The following TRIM34 variants were observed in gnomAD, a reference collection of about 807,000 sequenced individuals.
The protein encoded by TRIM34 is E3 ubiquitin-protein ligase TRIM34.
TRIM34 carries 41 observed loss-of-function variants against 38.1 expected under a neutral mutation model. The ratio of observed to expected loss-of-function variants is 1.08; its 90% CI spans 0.84 to 1.40. The LOEUF (loss-of-function observed/expected upper bound fraction) is 1.40, where lower values mean the gene tolerates loss of function less well. Among genes scored for constraint, TRIM34 ranks in the 40% most tolerant of loss-of-function variants. The pLI, the probability that TRIM34 is intolerant of heterozygous loss-of-function variation, is 0.00. For synonymous variants in TRIM34, 200 were observed against 202.5 expected (o/e 0.99, Z 0.10); for missense variants, 556 against 571.4 (o/e 0.97, Z 0.27).
At position 5,632,665 on chromosome 11, in the gene TRIM34, A is replaced by G. The variant is rs919310863; in HGVS notation, c.334A>G (p.Arg112Gly). ...EKLLLFCKED[R>G]KVICWLCERS... ...ACTCCTACTCTTCTGTAAGGAGGAT[A>G]GGAAAGTCATTTGCTGGCTTTGTGA... The change falls in exon 2 of 8, where the codon AGG becomes GGG. Residue 112 changes from arginine (R) to glycine (G), a missense_variant. Coordinates refer to ENST00000429814, the MANE Select transcript of TRIM34 (RefSeq NM_021616.6). 1.2e-6 allele frequency: 2 copies of G among 1,612,864 alleles called. No homozygotes were observed. Among genetic ancestry groups the G allele is most frequent in the African/African-American group, 2.7e-5 (2 of 74,576 alleles).
Position 5,643,127 on chromosome 11 carries a change from T to TATAGA in TRIM34, c.902-17_902-16insATAGA, listed in dbSNP as rs777273270. 23 of 521,814 alleles carry TATAGA rather than the reference T, an allele frequency of 4.4e-5. No homozygotes were observed. The highest frequency in any genetic ancestry group is 2.1e-4 in the African/African-American group (4 of 19,172). The allele number at this position is 521,814 out of a possible 1,614,324, so 32.3% of individuals were successfully genotyped here. A position where few individuals can be genotyped will look rare whatever the true frequency, so the allele number is the denominator to read the frequency against. ...TATATTCATATACATATATATATAT[T>TATAGA]TTTTTTTTTCTTGCAGTGGATGTCA... is the stretch of plus-strand genomic sequence containing the variant. On this transcript the variant is annotated splice_polypyrimidine_tract_variant and intron_variant, in intron 7 of 7. Coordinates refer to ENST00000429814, the MANE Select transcript of TRIM34 (RefSeq NM_021616.6).
At chr11:5,636,262 A>G (rs968824404) in intron 4 of TRIM34, among the ~76,000 whole-genome samples, 3 of 152,248 alleles carry the variant, frequency 2.0e-5, no homozygotes, top group African/African-American at 7.2e-5. Context: ...AATTGAAAGA[A>G]GGCAAACACA....
intron 2 of TRIM34, 111 bp downstream of exon 2, chr11:5,632,865 C>G: frequency 2.2e-6 from 3 of 1,356,872 alleles, no homozygotes; most frequent in South Asian, 1.6e-5. Flanking sequence ...CTCACTCTGT[C>G]GCCCAGGCTG....
Position 5,642,823 on chromosome 11 carries a change from C to T in TRIM34, c.881C>T (p.Thr294Ile). The change falls in exon 7 of 8, where the codon ACA becomes ATA. Residue 294 changes from threonine (T) to isoleucine (I), a missense_variant. By Grantham distance (89) the Thr-to-Ile change is moderately conservative. Coordinates refer to ENST00000429814, the MANE Select transcript of TRIM34 (RefSeq NM_021616.6). ...SRMLQMFREL[T>I]AVRCYWVDVT... The stretch of plus-strand genomic sequence containing the variant: ...GAATCTTTTATTATTTCAGAACTGA[C>T]AGCTGTCCGGTGCTACTGGGGTAAG... The T allele has an allele frequency of 1.9e-6, 3 of 1,614,022 alleles. No homozygotes were observed. Among genetic ancestry groups the T allele is most frequent in the Non-Finnish European group, 2.5e-6 (3 of 1,179,958 alleles).
intron 1 of TRIM34, among the ~76,000 whole-genome samples, chr11:5,625,276 G>C (rs1003082637): frequency 6.6e-6 from 1 of 152,178 alleles, no homozygotes; most frequent in African/African-American, 2.4e-5. Context: ...GCAGAAGGCC[G>C]CCTTTGTTTT....
intron 1 of TRIM34, among the ~76,000 whole-genome samples, chr11:5,628,967 C>A (rs1308346422): frequency 1.3e-5 from 2 of 152,104 alleles, no homozygotes; most frequent in African/African-American, 4.8e-5. Context: ...GTCTGTATGT[C>A]TTCTCCTCTT....
At chr11:5,637,602 A>C (rs1849802849) in intron 4 of TRIM34, among the ~76,000 whole-genome samples, 1 of 152,130 alleles carries the variant, frequency 6.6e-6, no homozygotes, top group Non-Finnish European at 1.5e-5. Context: ...AGGTTTCTTA[A>C]AATTTTAGAT....
Position 5,632,631 on chromosome 11 carries a change from T to C in TRIM34, c.300T>C (p.His100=). 6.2e-7 allele frequency: 1 copy of C among 1,613,264 alleles called. No individual in the cohort carries two copies. Among genetic ancestry groups the C allele is most frequent in the Non-Finnish European group, 8.5e-7 (1 of 1,179,848 alleles). ...NGKKRDLCDH[H]GEKLLLFCKE... ...AGAAGAGAGATCTCTGTGATCATCATGGAGAGAAACTCCTACTCTTCTGTA... is the reference window on the plus strand; with the variant it reads ...AGAAGAGAGATCTCTGTGATCATCACGGAGAGAAACTCCTACTCTTCTGTA... Residue 100 remains histidine (H), a synonymous_variant, in exon 2 of 8, where the codon CAT becomes CAC. Coordinates refer to ENST00000429814, the MANE Select transcript of TRIM34 (RefSeq NM_021616.6).
upstream of TRIM34, among the ~76,000 whole-genome samples, chr11:5,620,860 G>A (rs1564878340): frequency 6.6e-6 from 1 of 152,198 alleles, no homozygotes; most frequent in Non-Finnish European, 1.5e-5. Context: ...AAGCTGCTGT[G>A]CAGTGTTCAC....
intron 4 of TRIM34, among the ~76,000 whole-genome samples, chr11:5,636,785 T>C (rs771712458): frequency 2.6e-5 from 4 of 152,204 alleles, no homozygotes; most frequent in Non-Finnish European, 5.9e-5. Flanking sequence ...GAATGGCAAA[T>C]GGAAAACTTA....
At chr11:5,624,063 C>T (rs567059869), upstream of TRIM34, among the ~76,000 whole-genome samples, 2 of 152,262 alleles carry the variant, frequency 1.3e-5, no homozygotes, top group African/African-American at 2.4e-5. Flanking sequence ...TGTGACCAAA[C>T]GAGTGGCAAC....
chr11:5,644,008 A>C lies in TRIM34; in HGVS notation c.*299A>C. The stretch of plus-strand genomic sequence containing the variant: ...TTTATCACTGATATGAAGAGGCCCA[A>C]AGCCTGTTAGCCACCATCCATGCTA... On this transcript the variant is annotated 3_prime_UTR_variant, in exon 8 of 8. Transcript: ENST00000429814. 1 of 463,666 alleles carries C rather than the reference A, an allele frequency of 2.2e-6. No individual in the cohort carries two copies. 28.7% of individuals were successfully genotyped at this position (463,666 alleles called of 1,614,324 possible).
At chr11:5,630,029 A>G (rs980202102) in intron 1 of TRIM34, among the ~76,000 whole-genome samples, 22 of 152,220 alleles carry the variant, frequency 1.4e-4, no homozygotes, top group Admixed American at 1.1e-3. Flanking sequence ...TTACGGTGGT[A>G]CAAGACCATG....
At chr11:5,631,462 G>A (rs931944593) in intron 1 of TRIM34, among the ~76,000 whole-genome samples, 2 of 152,188 alleles carry the variant, frequency 1.3e-5, no homozygotes, top group African/African-American at 2.4e-5. Flanking sequence ...AAGAAAGGGA[G>A]TACTCTTATT....
intron 1 of TRIM34, chr11:5,627,001 C>A (rs1849273167): frequency 6.6e-6 from 1 of 152,504 alleles, no homozygotes; most frequent in African/African-American, 2.4e-5. Context: ...TGGGTTTGAA[C>A]AGGAGAGTGA....
chr11:5,642,264 C>T (rs989090228), intron 5 of TRIM34, 142 bp from the exon 6 acceptor site: 8 of 628,538 alleles, frequency 1.3e-5, no homozygotes, highest in South Asian at 5.7e-5. Context: ...ATCCAGGGTC[C>T]GGCTCTCCCT....
intron 3 of TRIM34, 101 bp from the exon 4 acceptor site, chr11:5,634,530 C>CATATATATATATATATATATATATATAT (rs112822638): frequency 2.9e-5 from 6 of 203,874 alleles, no homozygotes; most frequent in African/African-American, 2.1e-4. Flanking sequence ...CACACACACA[C>CATATATATATATATATATATATATATAT]ATATATATAT....
chr11:5,624,793 T>C (rs1190660859), upstream of TRIM34: 2 of 152,242 alleles, frequency 1.3e-5, no homozygotes, highest in African/African-American at 2.4e-5. Context: ...TCCTCCATTC[T>C]GCCCTCGAGA....
chr11:5,630,769 C>T (rs1260329553), intron 1 of TRIM34, among the ~76,000 whole-genome samples: 1 of 152,140 alleles, frequency 6.6e-6, no homozygotes, highest in Non-Finnish European at 1.5e-5. Flanking sequence ...TTACACCTAC[C>T]ATTTTACATT....
Sources: gnomAD v4.1 joint callset for allele counts (sites outside exome capture counted in the v4.1 genomes callset) on GRCh38, gnomAD v4.1.1 for gene constraint, MANE v1.5 for transcripts, NCBI Gene and HGNC (gene_info 2026-07-23, HGNC 2026-07-21) for gene names.